PPP2R5C: variants seen among roughly 807,000 people sequenced by gnomAD.
The protein encoded by PPP2R5C is protein phosphatase 2 regulatory subunit B'gamma, also known as serine/threonine-protein phosphatase 2A 56 kDa regulatory subunit gamma isoform.
In PPP2R5C, 7 loss-of-function variants were observed where a neutral mutation model predicts 68.9. That is an observed-to-expected ratio of 0.10 (90% CI 0.06 to 0.19). PPP2R5C has a LOEUF of 0.19. Among genes scored for constraint, PPP2R5C ranks in the 10% least tolerant of loss-of-function variants. The pLI, the probability that PPP2R5C is intolerant of heterozygous loss-of-function variation, is 1.00. For synonymous variants in PPP2R5C, 210 were observed against 222.2 expected (o/e 0.95, Z 0.49); for missense variants, 348 against 641.3 (o/e 0.54, Z 4.94).
chr14:101,767,117 GAGAA>G (rs1201865114), intron 2 of PPP2R5C: 1 of 152,154 alleles, frequency 6.6e-6, no homozygotes, highest in Non-Finnish European at 1.5e-5. Flanking sequence ...TGTTGCTGAA[GAGAA>G]AGAACAATCC....
chr14:101,771,981 C>G (rs2037172319), intron 2 of PPP2R5C, among the ~76,000 whole-genome samples: 1 of 152,120 alleles, frequency 6.6e-6, no homozygotes, highest in African/African-American at 2.4e-5. Context: ...GGCCACATTT[C>G]AAGTGCTCAG....
chr14:101,863,329 T>A (rs2042866451), intron 2 of PPP2R5C, among the ~76,000 whole-genome samples: 1 of 151,968 alleles, frequency 6.6e-6, no homozygotes, highest in African/African-American at 2.4e-5. Flanking sequence ...ACATGGAGTC[T>A]GGCTATGTTT....
At chr14:101,820,387 A>T (rs900147847) in intron 1 of PPP2R5C, 2 of 152,224 alleles carry the variant, frequency 1.3e-5, no homozygotes, top group South Asian at 4.1e-4. Flanking sequence ...GTCACACACC[A>T]CATGCAGCAG....
intron 3 of PPP2R5C, among the ~76,000 whole-genome samples, chr14:101,802,326 C>T (rs1008084561): frequency 3.3e-5 from 5 of 152,120 alleles, no homozygotes; most frequent in East Asian, 1.9e-4. Flanking sequence ...GCAGGAGAAT[C>T]GCTTGAACCC....
intron 1 of PPP2R5C, among the ~76,000 whole-genome samples, chr14:101,826,969 CTTT>C (rs1030539072): frequency 5.2e-5 from 5 of 95,856 alleles, no homozygotes; most frequent in Admixed American, 1.3e-4. Flanking sequence ...AAATGTTTAA[CTTT>C]TTTTTTTTTT....
intron 1 of PPP2R5C, among the ~76,000 whole-genome samples, chr14:101,813,287 T>C (rs2140209748): frequency 6.6e-6 from 1 of 152,306 alleles, no homozygotes; most frequent in Non-Finnish European, 1.5e-5. Context: ...AAGGACCAGA[T>C]TGTAAGTAGC....
In PPP2R5C at chr14:101,925,245, T is replaced by A. The variant is rs778576046; in HGVS notation, c.1548T>A (p.Asp516Glu). ...CCTTGGAAGCTCACTGCAGGGCCGA[T>A]GAGCTGGCCTCCCAGGACGGCCGCT... Residue 516 changes from aspartate to glutamate, a missense_variant, in exon 14 of 14, where the codon GAT becomes GAA. Asp to Glu is a conservative substitution (Grantham distance 45, BLOSUM62 2). Coordinates refer to ENST00000334743, the Ensembl canonical transcript of PPP2R5C. 2.0e-5 allele frequency: 33 copies of A among 1,613,400 alleles called. No homozygotes were observed. In the South Asian group the frequency reaches 2.9e-4, roughly 14 times the overall value.
chr14:101,824,502 T>C (rs1018633231), intron 1 of PPP2R5C: 2 of 167,994 alleles, frequency 1.2e-5, no homozygotes, highest in African/African-American at 2.4e-5. Flanking sequence ...ATTCAGCATA[T>C]GTGCTGTTGC....
At chr14:101,858,618 CTA>C (rs899249707) in intron 2 of PPP2R5C, among the ~76,000 whole-genome samples, 1 of 151,948 alleles carries the variant, frequency 6.6e-6, no homozygotes, top group African/African-American at 2.4e-5. Flanking sequence ...CATGTATTGA[CTA>C]TTTCATTTCC....
rs1485387257 is a variant in PPP2R5C at position 101,781,998 on chromosome 14, TC to T, written c.94-4017del. 1.0e-4 allele frequency among the ~76,000 whole-genome samples: 15 copies of T among 146,936 alleles called. No homozygotes were observed. The highest frequency in any genetic ancestry group is 2.0e-4 in the Non-Finnish European group (13 of 66,230). ...CGCCCTCTCTCTCTCCTTCCCTCAT[TC>T]CCTTCATCCTTCTCTCCCTGTGTGC... On this transcript the variant is annotated intron_variant, in intron 2 of 14. Transcript: ENST00000328724. The surrounding 1 kb of genome is among the most constrained non-coding windows in gnomAD (Gnocchi z 6.4).
intron 1 of PPP2R5C, 82 bp from the exon 4 acceptor site, chr14:101,856,604 T>G: frequency 7.9e-7 from 1 of 1,263,720 alleles, no homozygotes; most frequent in South Asian, 1.3e-5. Context: ...AAAATAAAAA[T>G]AGAAGAAAGC....
At chr14:101,824,362 A>G in intron 1 of PPP2R5C, 1 of 334,692 alleles carries the variant, frequency 3.0e-6, no homozygotes, top group Non-Finnish European at 5.4e-6. Flanking sequence ...GTAGGAAAGC[A>G]TCAAGAAATA....
intron 8 of PPP2R5C, among the ~76,000 whole-genome samples, chr14:101,900,405 G>A (rs996067300): frequency 2.6e-5 from 4 of 152,356 alleles, no homozygotes; most frequent in African/African-American, 7.2e-5. Flanking sequence ...GAGTGAAAAC[G>A]ACCAGGCGGT....
At chr14:101,858,620 A>G (rs2042575072) in intron 2 of PPP2R5C, among the ~76,000 whole-genome samples, 2 of 151,792 alleles carry the variant, frequency 1.3e-5, no homozygotes, top group Non-Finnish European at 2.9e-5. Flanking sequence ...TGTATTGACT[A>G]TTTCATTTCC....
chr14:101,844,346 A>G (rs927896049), intron 1 of PPP2R5C, among the ~76,000 whole-genome samples: 1 of 152,046 alleles, frequency 6.6e-6, no homozygotes, highest in African/African-American at 2.4e-5. Context: ...CAGAGATTGG[A>G]CACACACGTG....
intron 2 of PPP2R5C, among the ~76,000 whole-genome samples, chr14:101,876,762 T>G (rs1034409217): frequency 6.6e-6 from 1 of 152,178 alleles, no homozygotes; most frequent in Non-Finnish European, 1.5e-5. Flanking sequence ...GACATACGTA[T>G]GCACTCACGT....
At chr14:101,922,177 A>T (rs962332720) in intron 13 of PPP2R5C, 17 of 985,320 alleles carry the variant, frequency 1.7e-5, no homozygotes, top group Non-Finnish European at 2.0e-5. Flanking sequence ...TGTGATGGTC[A>T]AAACAAAGAA....
At chr14:101,842,021 C>T (rs1272686876) in intron 1 of PPP2R5C, among the ~76,000 whole-genome samples, 1 of 152,148 alleles carries the variant, frequency 6.6e-6, no homozygotes, top group Non-Finnish European at 1.5e-5. Context: ...GTTATACCTG[C>T]AGGTTCCCCC....
chr14:101,822,158 G>T (rs572869088), intron 1 of PPP2R5C, among the ~76,000 whole-genome samples: 71 of 149,988 alleles, frequency 4.7e-4, no homozygotes, highest in African/African-American at 1.7e-3. Context: ...CAGAGCCAGG[G>T]TTAAGGCCTA....
Sources: allele counts gnomAD v4.1 joint callset (sites outside exome capture counted in the v4.1 genomes callset), GRCh38; gene constraint gnomAD v4.1.1; non-coding constraint Gnocchi (gnomAD v3.1); transcripts MANE v1.5; gene names NCBI Gene and HGNC (gene_info 2026-07-23, HGNC 2026-07-21).